The following NUMA1 variants were observed in gnomAD, a reference collection of about 807,000 sequenced individuals.
NUMA1 encodes the protein SP-H antigen.
NUMA1 carries 62 observed loss-of-function variants against 237.1 expected under a neutral mutation model. The ratio of observed to expected loss-of-function variants is 0.26; its 90% confidence interval spans 0.21 to 0.32. NUMA1 has a LOEUF of 0.32. Ranked by LOEUF, NUMA1 falls within the 10% of genes least tolerant of loss-of-function variation. The pLI is 1.00. For missense variants in NUMA1, 2,533 were observed against 2,666.5 expected, an observed-to-expected ratio of 0.95 and a Z score of 1.10; for synonymous variants, 1,028 against 1,066.1, an observed-to-expected ratio of 0.96 and a Z score of 0.70.
intron 4 of NUMA1, among the ~76,000 whole-genome samples, chr11:72,028,195 C>G (rs1362574270): frequency 6.6e-6 from 1 of 152,154 alleles, no homozygotes; most frequent in Non-Finnish European, 1.5e-5. Context: ...TTCACTAAAA[C>G]CTAAACAATG....
intron 2 of NUMA1, among the ~76,000 whole-genome samples, chr11:72,042,415 T>A (rs1218082617): frequency 6.6e-6 from 1 of 152,230 alleles, no homozygotes; most frequent in Non-Finnish European, 1.5e-5. Flanking sequence ...CAAACTGGTG[T>A]GCTAACTTCC....
Position 72,005,988 on chromosome 11 carries a change from CT to C in NUMA1, c.5692+46del, listed in dbSNP as rs561399707. 1.0e-3 allele frequency: 1,475 copies of C among 1,447,954 alleles called. 20 individuals are homozygous for C. The South Asian group carries it at 0.015, about 14-fold the overall frequency. 89.7% of individuals were successfully genotyped at this position (1,447,954 alleles called of 1,614,324 possible). On this transcript the variant is annotated intron_variant, in intron 22 of 26. Coordinates refer to ENST00000393695, the MANE Select transcript of NUMA1 (RefSeq NM_006185.4). Reference sequence around the variant, plus strand: ...CTCTTTTCCCTGTGCCACGATCCACCTTCCAGTCTAATTTTGGGGTATAGTA... The same window carrying C: ...CTCTTTTCCCTGTGCCACGATCCACCTCCAGTCTAATTTTGGGGTATAGTA...
intron 17 of NUMA1, among the ~76,000 whole-genome samples, chr11:72,010,454 C>T (rs935154133): frequency 6.6e-6 from 1 of 152,222 alleles, no homozygotes; most frequent in Non-Finnish European, 1.5e-5. Flanking sequence ...TCCAATACAG[C>T]AGCCACTAAC....
chr11:72,022,676 C>T (rs1362481034), intron 6 of NUMA1, among the ~76,000 whole-genome samples: 4 of 151,224 alleles, frequency 2.6e-5, no homozygotes, highest in Non-Finnish European at 4.4e-5. Flanking sequence ...TCATGGAACC[C>T]TGGGTGTGAA....
chr11:72,027,538 A>G (rs1939738605), intron 4 of NUMA1, among the ~76,000 whole-genome samples: 1 of 114,492 alleles, frequency 8.7e-6, no homozygotes, highest in South Asian at 3.2e-4. Flanking sequence ...CCAGGATTTA[A>G]GGATTTCTAT....
intron 1 of NUMA1, among the ~76,000 whole-genome samples, chr11:72,075,327 G>A (rs1439627750): frequency 6.6e-6 from 1 of 152,196 alleles, no homozygotes; most frequent in Non-Finnish European, 1.5e-5. Flanking sequence ...GAAGACAAGA[G>A]AAGGCTACAA....
intron 2 of NUMA1, among the ~76,000 whole-genome samples, chr11:72,063,406 A>G (rs1033274685): frequency 1.3e-5 from 2 of 151,720 alleles, no homozygotes; most frequent in Admixed American, 1.3e-4. Context: ...CAAAGAAACA[A>G]AAATGTTCAT....
chr11:72,044,888 G>A (rs567741268), intron 2 of NUMA1, among the ~76,000 whole-genome samples: 3 of 152,024 alleles, frequency 2.0e-5, no homozygotes, highest in Non-Finnish European at 4.4e-5. Flanking sequence ...GGCTTGTCTC[G>A]AACTCCTGAC....
At position 72,004,747 on chromosome 11, in the gene NUMA1, G is replaced by A. The variant is rs987854742; in HGVS notation, c.5899C>T (p.Arg1967Ter). ...KTGDPQETLR[R>*]ASMQPIQIAE... Reference sequence around the variant, plus strand: ...ATCTGGATTGGCTGCATGCTGGCTCGGCGCAGGGTCTCTTGGGGGTCTCCA... The same window carrying A: ...ATCTGGATTGGCTGCATGCTGGCTCAGCGCAGGGTCTCTTGGGGGTCTCCA... Residue 1967 changes from arginine to a stop codon, truncating the protein, a stop_gained, in exon 24 of 27, where the codon CGA (arginine) becomes TGA (stop). Transcript: ENST00000393695. LOFTEE classifies it high-confidence loss of function. The A allele has an allele frequency of 1.2e-6, 2 of 1,610,886 alleles. No homozygotes were observed. The highest frequency in any genetic ancestry group is 1.7e-6 in the Non-Finnish European group (2 of 1,178,844).
intron 1 of NUMA1, among the ~76,000 whole-genome samples, chr11:72,079,951 C>A (rs897082065): frequency 6.6e-6 from 1 of 152,050 alleles, no homozygotes; most frequent in African/African-American, 2.4e-5. Flanking sequence ...GTAGAGCCAA[C>A]CTCGCACTGG....
At chr11:72,044,667 C>CTTTT (rs1196162358) in intron 2 of NUMA1, among the ~76,000 whole-genome samples, 3 of 125,584 alleles carry the variant, frequency 2.4e-5, no homozygotes, top group South Asian at 2.5e-4. Flanking sequence ...TGTATGTTTG[C>CTTTT]TTTTTTTTTT....
chr11:72,007,508 G>A (rs1017959501), intron 20 of NUMA1, 73 bp from the exon 21 acceptor site: 4 of 1,555,744 alleles, frequency 2.6e-6, no homozygotes, highest in Non-Finnish European at 2.6e-6. Flanking sequence ...TTTTGAAAGT[G>A]ACCATTTCCC....
Position 72,080,533 on chromosome 11 carries a change from G to GCT in NUMA1, c.-179_-178insAG. ...TCGTGGGCTCGCGCCAGCGCTGTGA[G>GCT]CGCACAATTAGTTTAAACTATGGCC... On this transcript the variant is annotated 5_prime_UTR_variant, in exon 1 of 27. Coordinates refer to ENST00000393695, the MANE Select transcript of NUMA1 (RefSeq NM_006185.4). The GCT allele has an allele frequency of 6.6e-6, 1 of 152,192 alleles. No homozygotes were observed. Among genetic ancestry groups the GCT allele is most frequent in the Non-Finnish European group, 1.5e-5 (1 of 68,044 alleles). The allele number at this position is 152,192 out of a possible 1,614,324, so 9.4% of individuals were successfully genotyped here.
intron 8 of NUMA1, chr11:72,020,946 TAA>T (rs1938713863): frequency 7.6e-6 from 3 of 393,556 alleles, no homozygotes; most frequent in South Asian, 1.1e-4. Context: ...GTTTAAAAAA[TAA>T]AAAACAAAAG....
At chr11:72,077,605 G>A (rs1443758754) in intron 1 of NUMA1, among the ~76,000 whole-genome samples, 7 of 152,010 alleles carry the variant, frequency 4.6e-5, no homozygotes, top group Non-Finnish European at 8.8e-5. Flanking sequence ...ACAAGGTCAG[G>A]GGATCGAGAC....
At chr11:72,025,413 A>C (rs1021115156) in intron 4 of NUMA1, among the ~76,000 whole-genome samples, 1 of 143,560 alleles carries the variant, frequency 7.0e-6, no homozygotes, top group Admixed American at 6.9e-5. Flanking sequence ...TTCTGTCTCC[A>C]AAAAAAAAAA....
chr11:72,004,153 C>T (rs958503929), intron 25 of NUMA1, 54 bp from the exon 26 acceptor site: 31 of 1,609,164 alleles, frequency 1.9e-5, no homozygotes, highest in African/African-American at 1.3e-4. Context: ...CCCAGGCCAG[C>T]GTGCTGTGCC....
intron 2 of NUMA1, chr11:72,066,330 C>T (rs1943197973): frequency 6.6e-6 from 1 of 151,910 alleles, no homozygotes; most frequent in Non-Finnish European, 1.5e-5. Context: ...TAGACAGGAC[C>T]TAAATAACAT....
chr11:72,018,020 G>A (rs529442126), intron 12 of NUMA1, 163 bp downstream of exon 12: 1 of 938,618 alleles, frequency 1.1e-6, no homozygotes, highest in East Asian at 2.5e-5. Context: ...TACCCGGGAA[G>A]CCGCCAATTA....
Sources: gnomAD v4.1 joint callset for allele counts (sites outside exome capture counted in the v4.1 genomes callset) on GRCh38, gnomAD v4.1.1 for gene constraint, MANE v1.5 for transcripts, NCBI Gene and HGNC (gene_info 2026-07-23, HGNC 2026-07-21) for gene names.